Variants in PXDNL observed in about 807,000 individuals in gnomAD.
PXDNL encodes the protein peroxidasin like.
Under a neutral mutation model 150.8 loss-of-function variants are expected in PXDNL, and 145 were observed. That is an observed-to-expected ratio of 0.96 (90% confidence interval 0.84 to 1.10). The LOEUF is 1.10. Ranked by LOEUF, PXDNL falls within the 50% of genes least tolerant of loss-of-function variation. The pLI is 0.00. For missense variants in PXDNL, 2,087 were observed against 1,873.9 expected (o/e 1.11, Z -2.10); for synonymous variants, 757 against 725.7 (o/e 1.04, Z -0.69).
intron 9 of PXDNL, among the ~76,000 whole-genome samples, chr8:51,456,825 C>T (rs948568924): frequency 6.6e-6 from 1 of 152,150 alleles, no homozygotes; most frequent in African/African-American, 2.4e-5. Context: ...AATCAGGGCT[C>T]CCTGCTCCTC....
chr8:51,796,397 G>GA (rs1206810631), intron 1 of PXDNL, among the ~76,000 whole-genome samples: 15 of 144,912 alleles, frequency 1.0e-4, no homozygotes, highest in South Asian at 2.2e-4. Context: ...CTGGTGTTTT[G>GA]AAAAAAAAAT....
intron 12 of PXDNL, among the ~76,000 whole-genome samples, chr8:51,431,323 C>T (rs557602385): frequency 1.2e-3 from 184 of 152,302 alleles, no homozygotes; most frequent in Middle Eastern, 6.8e-3. Flanking sequence ...CCACTGCTGT[C>T]TCTTTACTGT....
At chr8:51,652,314 C>G (rs915017645) in intron 2 of PXDNL, among the ~76,000 whole-genome samples, 2 of 151,902 alleles carry the variant, frequency 1.3e-5, no homozygotes, top group African/African-American at 4.8e-5. Context: ...ACTGGACTAA[C>G]AAATTCCTCT....
chr8:51,635,461 T>C (rs1264810908), intron 2 of PXDNL, among the ~76,000 whole-genome samples: 1 of 151,920 alleles, frequency 6.6e-6, no homozygotes, highest in Non-Finnish European at 1.5e-5. Flanking sequence ...AAAAGATCAA[T>C]ACAATTTTAA....
intron 14 of PXDNL, among the ~76,000 whole-genome samples, chr8:51,417,615 C>A (rs1808831680): frequency 6.6e-6 from 1 of 152,128 alleles, no homozygotes; most frequent in Admixed American, 6.5e-5. Flanking sequence ...TTTTTATCCT[C>A]CCCCTTTTTC....
intron 4 of PXDNL, among the ~76,000 whole-genome samples, chr8:51,513,263 G>T (rs1811463468): frequency 6.6e-6 from 1 of 152,180 alleles, no homozygotes; most frequent in Non-Finnish European, 1.5e-5. Context: ...TGCAGGCAGG[G>T]CCTCGGCATA....
chr8:51,714,181 A>G (rs1391986173), intron 1 of PXDNL, among the ~76,000 whole-genome samples: 1 of 152,226 alleles, frequency 6.6e-6, no homozygotes, highest in Non-Finnish European at 1.5e-5. Flanking sequence ...GTAGAATGTT[A>G]TCCTCTAGGC....
Position 51,430,040 on chromosome 8 carries a change from T to C in PXDNL, c.1526-3282A>G, listed in dbSNP as rs200169697. Among the ~76,000 whole-genome samples, 10 of 151,952 alleles carry C rather than the reference T, an allele frequency of 6.6e-5. No homozygotes were observed. In the East Asian group the frequency reaches 1.9e-3, roughly 30 times the overall value. ...ATGCTCCTGATCCAATCAAGAAGTCTCCAGTGTCTCACTCTTCACATCATA... is the reference window on the plus strand; with the variant it reads ...ATGCTCCTGATCCAATCAAGAAGTCCCCAGTGTCTCACTCTTCACATCATA... On this transcript the variant is annotated intron_variant, in intron 12 of 22. Transcript: ENST00000356297.
intron 13 of PXDNL, among the ~76,000 whole-genome samples, chr8:51,425,500 A>T (rs1430005383): frequency 6.6e-6 from 1 of 152,182 alleles, no homozygotes; most frequent in Non-Finnish European, 1.5e-5. Context: ...GCATAAAAAT[A>T]TTTTAATATA....
intron 4 of PXDNL, among the ~76,000 whole-genome samples, chr8:51,550,369 T>C (rs1812453716): frequency 6.6e-6 from 1 of 151,702 alleles, no homozygotes; most frequent in South Asian, 2.1e-4. Context: ...AACGAGGAGA[T>C]GATGTAACAA....
chr8:51,402,946 C>T (rs1352491774), intron 17 of PXDNL, among the ~76,000 whole-genome samples: 4 of 150,540 alleles, frequency 2.7e-5, no homozygotes, highest in Non-Finnish European at 4.4e-5. Flanking sequence ...CAAAATTAGC[C>T]GGGCGAGGTG....
chr8:51,756,859 A>C (rs1167720965), intron 1 of PXDNL, among the ~76,000 whole-genome samples: 1 of 152,164 alleles, frequency 6.6e-6, no homozygotes, highest in Admixed American at 6.6e-5. Context: ...CATGTCTTCT[A>C]GACTTAGAAA....
In PXDNL at chr8:51,409,530, G is replaced by T. The variant is rs577366502; in HGVS notation, c.2094C>A (p.Arg698=). ...EFRYNDLVSP[R]SLSLIANLSG... ...ATAAATTGGCGATGAGGCTGAGGGA[G>T]CGCGGGGACACCAAGTCATTGTACC... Residue 698 remains arginine, a synonymous_variant, in exon 17 of 23, where the codon CGC becomes CGA. Transcript: ENST00000356297. The T allele has an allele frequency of 1.2e-6, 2 of 1,600,842 alleles. No individual in the cohort carries two copies. The highest frequency in any genetic ancestry group is 2.7e-5 in the African/African-American group (2 of 74,542).
At chr8:51,573,400 C>T (rs1484210545) in intron 3 of PXDNL, among the ~76,000 whole-genome samples, 1 of 151,960 alleles carries the variant, frequency 6.6e-6, no homozygotes, top group Non-Finnish European at 1.5e-5. Flanking sequence ...CTTCCTGCTC[C>T]CCACTGGAAA....
At chr8:51,765,624 C>T (rs1320368203) in intron 1 of PXDNL, among the ~76,000 whole-genome samples, 1 of 151,872 alleles carries the variant, frequency 6.6e-6, no homozygotes, top group Non-Finnish European at 1.5e-5. Flanking sequence ...ATGTTTAATC[C>T]ATTTGTATTA....
At chr8:51,321,630 C>A (rs1390250880) in intron 21 of PXDNL, among the ~76,000 whole-genome samples, 1 of 152,058 alleles carries the variant, frequency 6.6e-6, no homozygotes, top group African/African-American at 2.4e-5. Flanking sequence ...CATTTGCTCT[C>A]TCTCTCCTGC....
chr8:51,472,429 A>G, intron 7 of PXDNL, 125 bp from the exon 8 acceptor site: 1 of 636,756 alleles, frequency 1.6e-6, no homozygotes, highest in East Asian at 2.7e-5. Flanking sequence ...ATCGAACTGC[A>G]TTTACCCGGT....
At chr8:51,472,650 T>A (rs963817043) in intron 7 of PXDNL, among the ~76,000 whole-genome samples, 1 of 152,160 alleles carries the variant, frequency 6.6e-6, no homozygotes, top group African/African-American at 2.4e-5. Flanking sequence ...GAGCTTGCAG[T>A]TTTGCAGGCA....
intron 1 of PXDNL, among the ~76,000 whole-genome samples, chr8:51,776,643 A>G (rs529921650): frequency 6.6e-6 from 1 of 152,240 alleles, no homozygotes; most frequent in Non-Finnish European, 1.5e-5. Context: ...CTGCTAGTCC[A>G]GTGGTAGCAA....
Sources: allele counts gnomAD v4.1 joint callset (sites outside exome capture counted in the v4.1 genomes callset), GRCh38; gene constraint gnomAD v4.1.1; transcripts MANE v1.5; gene names NCBI Gene and HGNC (gene_info 2026-07-23, HGNC 2026-07-21).